TBL1XR1: variants seen among roughly 807,000 people sequenced by gnomAD.
TBL1XR1 encodes F-box-like/WD repeat-containing protein TBL1XR1.
A neutral mutation model predicts 66.9 loss-of-function variants in TBL1XR1; 5 were observed. That is an observed-to-expected ratio of 0.07 (90% CI 0.04 to 0.16). The LOEUF (loss-of-function observed/expected upper bound fraction) is 0.16, where lower values mean the gene tolerates loss of function less well. TBL1XR1 is among the 10% of genes least tolerant of loss of function. The probability of loss-of-function intolerance (pLI) is 1.00; values close to 1 mark genes in which losing one functional copy is unlikely to be tolerated. For missense variants in TBL1XR1, 238 were observed against 623.2 expected, an observed-to-expected ratio of 0.38 and a Z score of 6.58; for synonymous variants, 210 against 206.0, an observed-to-expected ratio of 1.02 and a Z score of -0.17.
At chr3:177,175,777 G>A (rs1487258604) in intron 1 of TBL1XR1, among the ~76,000 whole-genome samples, 3 of 152,126 alleles carry the variant, frequency 2.0e-5, no homozygotes, top group African/African-American at 7.2e-5. Flanking sequence ...AAGTTATTCA[G>A]GCCAGGCGCG....
chr3:177,078,588 CA>C lies in TBL1XR1; in HGVS notation c.-45-13567del, dbSNP rs5854738. The C allele has an allele frequency of 5.1e-3, 696 of 135,904 alleles. 8 individuals carry two copies. The highest frequency in any genetic ancestry group is 3.2e-3 in the Non-Finnish European group (199 of 62,940). The allele number at this position is 135,904 out of a possible 1,614,324, so 8.4% of individuals were successfully genotyped here. On this transcript the variant is annotated intron_variant, in intron 2 of 15. Coordinates refer to ENST00000457928, the MANE Select transcript of TBL1XR1 (RefSeq NM_024665.7). ...GGGCGAAAGAGTGAGACCCCCATCT[CA>C]AAAAAAAAAAAATAAAGTATAATTC...
intron 1 of TBL1XR1, among the ~76,000 whole-genome samples, chr3:177,176,556 T>C (rs952534523): frequency 7.3e-4 from 110 of 149,728 alleles, no homozygotes; most frequent in Middle Eastern, 6.9e-3. Flanking sequence ...CTCACACCTG[T>C]AATCCCAGCA....
intron 2 of TBL1XR1, among the ~76,000 whole-genome samples, chr3:177,086,587 A>C (rs1722150816): frequency 6.6e-6 from 1 of 152,190 alleles, no homozygotes; most frequent in Admixed American, 6.5e-5. Flanking sequence ...ATAAATTTTC[A>C]TCTCTCTACT....
chr3:177,158,414 A>C (rs1731781776), intron 1 of TBL1XR1, among the ~76,000 whole-genome samples: 1 of 152,032 alleles, frequency 6.6e-6, no homozygotes, highest in Middle Eastern at 3.4e-3. Flanking sequence ...TTTTTAGTAG[A>C]CACGGAGTTT....
intron 15 of TBL1XR1, 60 bp from the exon 16 acceptor site, chr3:177,025,584 T>A (rs1712994286): frequency 3.3e-6 from 5 of 1,496,786 alleles, no homozygotes. Flanking sequence ...ATTTTATGTT[T>A]AACTTTTCTA....
chr3:177,059,952 G>A (rs1261070441), intron 3 of TBL1XR1, among the ~76,000 whole-genome samples: 2 of 152,154 alleles, frequency 1.3e-5, no homozygotes, highest in African/African-American at 2.4e-5. Flanking sequence ...GATGCTTCCT[G>A]CCCTCGAACA....
rs1712168428 is a variant in TBL1XR1 at position 177,020,183 on chromosome 3, C to T, written c.*5315G>A. The T allele has an allele frequency of 6.6e-6, 1 of 150,684 alleles. No individual in the cohort carries two copies. Among genetic ancestry groups the T allele is most frequent in the South Asian group, 2.1e-4 (1 of 4,716 alleles). 9.3% of individuals were successfully genotyped at this position (150,684 alleles called of 1,614,324 possible). ...AAAAAAAGGTCACCGAGAAGTTGAG[C>T]CTCCTGCCCTAATCTTCAACACATC... On this transcript the variant is annotated 3_prime_UTR_variant, in exon 16 of 16. Transcript: ENST00000457928.
rs542160557 is a variant in TBL1XR1, at chr3:177,150,520, T to G, written c.-122+46601A>C. 1.1e-4 allele frequency among the ~76,000 whole-genome samples: 17 copies of G among 152,340 alleles called. No individual in the cohort carries two copies. The South Asian group carries it at 3.3e-3, about 30-fold the overall frequency. ...AATCCTTTCCTCCTCTTTCAGCAAC[T>G]ACAGACTGAGTTACCTAGGAAAACA... On this transcript the variant is annotated intron_variant, in intron 1 of 15. Transcript: ENST00000457928.
chr3:177,187,064 G>A (rs1735509611), intron 1 of TBL1XR1, among the ~76,000 whole-genome samples: 1 of 152,028 alleles, frequency 6.6e-6, no homozygotes, highest in African/African-American at 2.4e-5. Flanking sequence ...CTACTCAGGA[G>A]GCTGAGGCAG....
chr3:177,150,483 T>G (rs1730755273), intron 1 of TBL1XR1, among the ~76,000 whole-genome samples: 1 of 152,206 alleles, frequency 6.6e-6, no homozygotes, highest in Admixed American at 6.5e-5. Context: ...AACTGAAAAC[T>G]GACCAGTGTC....
At chr3:177,090,575 C>T (rs549956559) in intron 2 of TBL1XR1, among the ~76,000 whole-genome samples, 7 of 147,166 alleles carry the variant, frequency 4.8e-5, no homozygotes, top group East Asian at 2.0e-4. Flanking sequence ...GTAATCAAGA[C>T]ACTTTGGGAG....
At chr3:177,105,995 A>G (rs537294742) in intron 1 of TBL1XR1, among the ~76,000 whole-genome samples, 2 of 152,316 alleles carry the variant, frequency 1.3e-5, no homozygotes, top group East Asian at 3.9e-4. Flanking sequence ...ACATCGGACT[A>G]AATTAAGTGG....
At chr3:177,027,384 C>G (rs1447097394) in intron 14 of TBL1XR1, 1 of 152,182 alleles carries the variant, frequency 6.6e-6, no homozygotes, top group Non-Finnish European at 1.5e-5. Context: ...ATTCATTAAG[C>G]TGAATCATAA....
rs1442200085 is a variant in TBL1XR1, at chr3:177,026,569, C to T, written c.1417-95G>A. 22 of 882,088 alleles carry T rather than the reference C, an allele frequency of 2.5e-5. No homozygotes were observed. In the East Asian group the frequency reaches 6.5e-4, roughly 26 times the overall value. The allele number at this position is 882,088 out of a possible 1,614,324, so 54.6% of individuals were successfully genotyped here. A position where few individuals can be genotyped will look rare whatever the true frequency, so the allele number is the denominator to read the frequency against. The stretch of plus-strand genomic sequence containing the variant: ...AAATATTACATAGCTTTATTTCTAG[C>T]AATCAGAGGAGGGACTTAGCTTCAA... On this transcript the variant is annotated intron_variant, in intron 14 of 15. Transcript: ENST00000457928.
intron 1 of TBL1XR1, among the ~76,000 whole-genome samples, chr3:177,193,347 A>G (rs1736409641): frequency 1.3e-5 from 2 of 151,506 alleles, no homozygotes; most frequent in South Asian, 4.2e-4. Context: ...GTCTCCCTCT[A>G]TCGCCCAGGC....
Position 177,184,389 on chromosome 3 carries a change from A to G in TBL1XR1, c.-122+12732T>C, listed in dbSNP as rs1735171019. On this transcript the variant is annotated intron_variant, in intron 1 of 15. Transcript: ENST00000457928. ...GAACCCCAATATTCACCTAATGTCC[A>G]AACCCTTGGCAAAGCAATACCTTTG... Among the ~76,000 whole-genome samples, 3 of 152,320 alleles carry G rather than the reference A, an allele frequency of 2.0e-5. No homozygotes were observed. In the South Asian group the frequency reaches 6.2e-4, roughly 32 times the overall value.
At position 177,023,564 on chromosome 3, in the gene TBL1XR1, T is replaced by C. The variant is rs1161620929; in HGVS notation, c.*1934A>G. The C allele has an allele frequency of 6.6e-6, 1 of 152,526 alleles. No individual in the cohort carries two copies. Among genetic ancestry groups the C allele is most frequent in the East Asian group, 1.9e-4 (1 of 5,202 alleles). The allele number at this position is 152,526 out of a possible 1,614,324, so 9.4% of individuals were successfully genotyped here. A position where few individuals can be genotyped will look rare whatever the true frequency, so the allele number is the denominator to read the frequency against. On this transcript the variant is annotated 3_prime_UTR_variant, in exon 16 of 16. Coordinates refer to ENST00000457928, the MANE Select transcript of TBL1XR1 (RefSeq NM_024665.7). ...AATTTTTAAAAATATTATTACAGTA[T>C]CATAGTCCCCACTAACAACAACTGG... is the stretch of plus-strand genomic sequence containing the variant.
chr3:177,021,271 T>C lies in TBL1XR1; in HGVS notation c.*4227A>G, dbSNP rs1287266821. ...CAAATGCAGTCTGTGTGTTTTTGTTTGTAATGAGATGGATAAGTACATCAG... is the reference window on the plus strand; with the variant it reads ...CAAATGCAGTCTGTGTGTTTTTGTTCGTAATGAGATGGATAAGTACATCAG... On this transcript the variant is annotated 3_prime_UTR_variant, in exon 16 of 16. Coordinates refer to ENST00000457928, the MANE Select transcript of TBL1XR1 (RefSeq NM_024665.7). 6.6e-6 allele frequency: 1 copy of C among 152,458 alleles called. No individual in the cohort carries two copies. Among genetic ancestry groups the C allele is most frequent in the Non-Finnish European group, 1.5e-5 (1 of 67,992 alleles). 9.4% of individuals were successfully genotyped at this position (152,458 alleles called of 1,614,324 possible).
intron 3 of TBL1XR1, among the ~76,000 whole-genome samples, chr3:177,054,472 C>A (rs1027866567): frequency 8.5e-5 from 13 of 152,120 alleles, no homozygotes; most frequent in Non-Finnish European, 1.8e-4. Flanking sequence ...GAATGATCTT[C>A]ATTTACTTCA....
Sources: gnomAD v4.1 joint callset for allele counts (sites outside exome capture counted in the v4.1 genomes callset) on GRCh38, gnomAD v4.1.1 for gene constraint, MANE v1.5 for transcripts, NCBI Gene and HGNC (gene_info 2026-07-23, HGNC 2026-07-21) for gene names.